Variants in SERPINA6 observed in about 807,000 individuals in gnomAD.
SERPINA6 encodes the protein serpin family A member 6.
SERPINA6 carries 19 observed loss-of-function variants against 26.4 expected under a neutral mutation model. That is an observed-to-expected ratio of 0.72 (90% confidence interval 0.50 to 1.06). The LOEUF (loss-of-function observed/expected upper bound fraction) is 1.06, where lower values mean the gene tolerates loss of function less well. SERPINA6 is among the 50% of genes least tolerant of loss of function. SERPINA6 has a pLI of 0.00. For missense variants in SERPINA6, 473 were observed against 504.0 expected, an observed-to-expected ratio of 0.94 and a Z score of 0.59; for synonymous variants, 196 against 199.4, an observed-to-expected ratio of 0.98 and a Z score of 0.14.
intron 1 of SERPINA6, among the ~76,000 whole-genome samples, chr14:94,316,582 C>G (rs1325390141): frequency 6.6e-6 from 1 of 152,148 alleles, no homozygotes; most frequent in Non-Finnish European, 1.5e-5. Context: ...ATGTTTGTGT[C>G]CCCACAAATT....
chr14:94,309,855 C>T lies in SERPINA6; in HGVS notation c.765G>A (p.Met255Ile). Reference sequence around the variant, plus strand: ...AGACAGTCCCATTGCCCACGTAGTTCATCTGCACCAGCTGGCAGGGGAGCT... The same window carrying T: ...AGACAGTCCCATTGCCCACGTAGTTTATCTGCACCAGCTGGCAGGGGAGCT... ...DSELPCQLVQ[M>I]NYVGNGTVFF... is the part of the protein sequence containing the mutation. The change falls in exon 3 of 5, where the codon ATG becomes ATA. Residue 255 changes from methionine to isoleucine, a missense_variant. Physicochemically the swap from Met to Ile is conservative, Grantham distance 10. Coordinates refer to ENST00000341584, the MANE Select transcript of SERPINA6 (RefSeq NM_001756.4). 6.2e-7 allele frequency: 1 copy of T among 1,614,212 alleles called. No individual in the cohort carries two copies. The highest frequency in any genetic ancestry group is 8.5e-7 in the Non-Finnish European group (1 of 1,180,040).
intron 2 of SERPINA6, among the ~76,000 whole-genome samples, chr14:94,313,327 G>A (rs553900063): frequency 2.2e-4 from 34 of 152,342 alleles, no homozygotes; most frequent in Admixed American, 6.5e-4. Flanking sequence ...GTTGTAGAGG[G>A]AATCATAATT....
chr14:94,321,071 C>T (rs956831328), intron 1 of SERPINA6, among the ~76,000 whole-genome samples: 2 of 152,150 alleles, frequency 1.3e-5, no homozygotes, highest in Non-Finnish European at 2.9e-5. Context: ...TACTTAAACT[C>T]TGCCTCAGTT....
At chr14:94,312,379 G>A (rs188071388) in intron 2 of SERPINA6, among the ~76,000 whole-genome samples, 8 of 152,298 alleles carry the variant, frequency 5.3e-5, no homozygotes, top group Non-Finnish European at 8.8e-5. Flanking sequence ...CCTGCACCTG[G>A]GTTTACTGTG....
chr14:94,312,984 A>T (rs992619988), intron 2 of SERPINA6, among the ~76,000 whole-genome samples: 1 of 152,200 alleles, frequency 6.6e-6, no homozygotes, highest in African/African-American at 2.4e-5. Flanking sequence ...TTTGAATATG[A>T]TTGCTTAACT....
intron 3 of SERPINA6, among the ~76,000 whole-genome samples, chr14:94,307,849 T>C (rs61980587): frequency 0.25 from 38,128 of 152,210 alleles, 4,967 homozygotes; most frequent in Non-Finnish European, 0.28. Flanking sequence ...GACACTTCCA[T>C]GTGCATTCAC....
intron 3 of SERPINA6, among the ~76,000 whole-genome samples, chr14:94,307,477 A>C (rs554148905): frequency 6.6e-6 from 1 of 152,372 alleles, no homozygotes; most frequent in South Asian, 2.1e-4. Context: ...AATGTTGCTC[A>C]CATTGAAGTA....
rs1212019872 is a variant in SERPINA6 at position 94,314,266 on chromosome 14, C to A, written c.383G>T (p.Gly128Val). The change falls in exon 2 of 5, where the codon GGC (glycine) becomes GTC (valine). Residue 128 changes from glycine (G) to valine (V), a missense_variant. Coordinates refer to ENST00000341584, the MANE Select transcript of SERPINA6 (RefSeq NM_001756.4). ...KSDTSLEMTM[G>V]NALFLDGSLE... ...GCTGCCATCAAGAAACAAGGCATTG[C>A]CCATGGTCATTTCTAAGCTGGTGTC... 1 of 1,614,196 alleles carries A rather than the reference C, an allele frequency of 6.2e-7. No homozygotes were observed. Among genetic ancestry groups the A allele is most frequent in the Admixed American group, 1.7e-5 (1 of 60,022 alleles).
Position 94,306,088 on chromosome 14 carries a change from G to T in SERPINA6, c.1015C>A (p.Gln339Lys). 1 of 1,614,190 alleles carries T rather than the reference G, an allele frequency of 6.2e-7. No homozygotes were observed. The highest frequency in any genetic ancestry group is 2.2e-5 in the East Asian group (1 of 44,882). Residue 339 changes from glutamine to lysine, a missense_variant, in exon 4 of 5, where the codon CAG becomes AAG. By Grantham distance (53) the Gln-to-Lys change is moderately conservative (BLOSUM62 1). Transcript: ENST00000341584. ...ANFSRITQDA[Q>K]LKSSKVVHKA... ...ACATTTACCTTTGATGACTTCAGCT[G>T]GGCGTCCTGGGTGATGCGTGAGAAA...
At chr14:94,319,726 T>G (rs1244725861) in intron 1 of SERPINA6, among the ~76,000 whole-genome samples, 1 of 151,852 alleles carries the variant, frequency 6.6e-6, no homozygotes, top group East Asian at 1.9e-4. Context: ...ACAAATAGAG[T>G]CTAATTCTAC....
chr14:94,310,107 G>T (rs1229545058), intron 2 of SERPINA6, 101 bp from the exon 3 acceptor site: 2 of 1,151,340 alleles, frequency 1.7e-6, no homozygotes, highest in Non-Finnish European at 2.5e-6. Flanking sequence ...CCTTCTGCAT[G>T]CTTGGAATGT....
chr14:94,311,993 A>ATTT (rs1895538419), intron 2 of SERPINA6, among the ~76,000 whole-genome samples: 1 of 152,096 alleles, frequency 6.6e-6, no homozygotes, highest in Non-Finnish European at 1.5e-5. Flanking sequence ...CATCAGGGCC[A>ATTT]TTTTACATAT....
chr14:94,312,674 G>A (rs1895548648), intron 2 of SERPINA6, among the ~76,000 whole-genome samples: 1 of 152,240 alleles, frequency 6.6e-6, no homozygotes, highest in Non-Finnish European at 1.5e-5. Flanking sequence ...GAAGAGGGCG[G>A]CCTCTCCTGG....
At chr14:94,321,336 C>T (rs998705958) in intron 1 of SERPINA6, among the ~76,000 whole-genome samples, 3 of 152,046 alleles carry the variant, frequency 2.0e-5, no homozygotes, top group Non-Finnish European at 2.9e-5. Context: ...CCATTGCCCA[C>T]CACAGGGCTG....
intron 3 of SERPINA6, among the ~76,000 whole-genome samples, chr14:94,306,873 T>A (rs1319826228): frequency 1.3e-5 from 2 of 152,158 alleles, no homozygotes; most frequent in Non-Finnish European, 2.9e-5. Context: ...AAGGCCTTAG[T>A]GTTATTTTTA....
Position 94,314,118 on chromosome 14 carries a change from C to T in SERPINA6, c.531G>A (p.Lys177=). The change falls in exon 2 of 5, where the codon AAG becomes AAA. Residue 177 remains lysine (K), a synonymous_variant. Transcript: ENST00000341584. Reference sequence around the variant, plus strand: ...ACAAGTCGACAATTTTCCCCTGTGTCTTATTCTTGACATAGCTGTTGATCT... The same window carrying T: ...ACAAGTCGACAATTTTCCCCTGTGTTTTATTCTTGACATAGCTGTTGATCT... The part of the protein sequence containing the change: ...SRQINSYVKN[K]TQGKIVDLFS... The T allele has an allele frequency of 6.2e-7, 1 of 1,614,198 alleles. No individual in the cohort carries two copies. The highest frequency in any genetic ancestry group is 8.5e-7 in the Non-Finnish European group (1 of 1,180,038).
chr14:94,306,434 C>A (rs1417602130), intron 3 of SERPINA6, among the ~76,000 whole-genome samples: 3 of 151,780 alleles, frequency 2.0e-5, no homozygotes, highest in Non-Finnish European at 4.4e-5. Flanking sequence ...TCCCACGGGG[C>A]CTCTGAATTG....
chr14:94,315,140 C>T (rs932253558), intron 1 of SERPINA6, among the ~76,000 whole-genome samples: 5 of 152,052 alleles, frequency 3.3e-5, no homozygotes, highest in Non-Finnish European at 5.9e-5. Flanking sequence ...CATTTTATTT[C>T]GGATTGAAAT....
At chr14:94,313,802 A>C in intron 2 of SERPINA6, 1 of 667,438 alleles carries the variant, frequency 1.5e-6, no homozygotes, top group Non-Finnish European at 2.7e-6. Flanking sequence ...GTGGGCCTCA[A>C]ACCAACCTGC....
Sources: gnomAD v4.1 joint callset for allele counts (sites outside exome capture counted in the v4.1 genomes callset) on GRCh38, gnomAD v4.1.1 for gene constraint, MANE v1.5 for transcripts, NCBI Gene and HGNC (gene_info 2026-07-23, HGNC 2026-07-21) for gene names.